PDK3: variants seen among roughly 807,000 people sequenced by gnomAD.
The protein encoded by PDK3 is pyruvate dehydrogenase kinase 3.
Under a neutral mutation model 32.0 loss-of-function variants are expected in PDK3, and 12 were observed. The observed-to-expected ratio is 0.37, with a 90% CI of 0.24 to 0.61. PDK3 has a LOEUF of 0.61. Among genes scored for constraint, PDK3 ranks in the 20% least tolerant of loss-of-function variants. PDK3 has a pLI of 0.65. For missense variants in PDK3, 188 were observed against 316.9 expected (o/e 0.59, Z 3.09); for synonymous variants, 122 against 116.3 (o/e 1.05, Z -0.31).
At chrX:24,531,151 C>T (rs1922640479) in intron 9 of PDK3, among the ~76,000 whole-genome samples, 1 of 109,900 alleles carries the variant, frequency 9.1e-6, no homozygotes, top group African/African-American at 3.3e-5. Context: ...CTGCAACCTC[C>T]ACCTCCTGGG....
At chrX:24,527,701 T>G (rs374466773) in intron 8 of PDK3, 26 bp downstream of exon 8, 1 of 833,581 alleles carries the variant, frequency 1.2e-6, no homozygotes. Context: ...GCATGTATAC[T>G]TTAATTATCA....
chrX:24,469,611 TA>T (rs1920972599), intron 1 of PDK3, among the ~76,000 whole-genome samples: 1 of 108,543 alleles, frequency 9.2e-6, no homozygotes. Flanking sequence ...ATCCTGTCTC[TA>T]AAAAAAATAA....
intron 1 of PDK3, 75 bp downstream of exon 1, chrX:24,465,636 T>C: frequency 1.3e-6 from 1 of 775,682 alleles, no homozygotes. Context: ...TCTCCGCAGC[T>C]TCGGGGTAAA....
At chrX:24,477,480 A>G (rs1921140243) in intron 1 of PDK3, among the ~76,000 whole-genome samples, 1 of 111,937 alleles carries the variant, frequency 8.9e-6, no homozygotes, top group Non-Finnish European at 1.9e-5. Flanking sequence ...AAGAATTGCT[A>G]TATTACCTGT....
At chrX:24,515,045 G>A (rs1569225315) in intron 5 of PDK3, among the ~76,000 whole-genome samples, 1 of 112,161 alleles carries the variant, frequency 8.9e-6, no homozygotes, top group African/African-American at 3.2e-5. Flanking sequence ...ATGGGTCAGA[G>A]GATCGTTCCA....
At chrX:24,514,980 C>T (rs944350848) in intron 5 of PDK3, among the ~76,000 whole-genome samples, 32 of 111,830 alleles carry the variant, frequency 2.9e-4, no homozygotes, top group African/African-American at 1.0e-3. Flanking sequence ...TTCCCAGTCT[C>T]ACCAAAAGGA....
chrX:24,525,615 G>A (rs755318387), intron 6 of PDK3, among the ~76,000 whole-genome samples: 1 of 111,820 alleles, frequency 8.9e-6, no homozygotes, highest in Non-Finnish European at 1.9e-5. Flanking sequence ...GTGTTTCTCA[G>A]ATTGTCTTCA....
chrX:24,482,303 G>T (rs1430532802), intron 1 of PDK3, among the ~76,000 whole-genome samples: 1 of 111,654 alleles, frequency 9.0e-6, no homozygotes, highest in South Asian at 3.8e-4. Context: ...TCCACCTCCA[G>T]GTTCAAGTGA....
At chrX:24,541,997 ATAG>A (rs1244867315) in exon 12 of PDK3, among the ~76,000 whole-genome samples, 5 of 112,419 alleles carry the variant, frequency 4.4e-5, no homozygotes, top group Non-Finnish European at 9.4e-5. Context: ...ATATTCATAA[ATAG>A]TAGGTGAATC....
At chrX:24,501,183 A>G (rs906162646) in intron 3 of PDK3, among the ~76,000 whole-genome samples, 10 of 111,347 alleles carry the variant, frequency 9.0e-5, no homozygotes, top group Non-Finnish European at 1.5e-4. Flanking sequence ...CACTATTACT[A>G]TTTTCCTTTC....
chrX:24,501,731 A>G (rs748787839), intron 3 of PDK3, among the ~76,000 whole-genome samples: 15 of 111,977 alleles, frequency 1.3e-4, no homozygotes. Flanking sequence ...TAAACAAACA[A>G]ACAAACAGCT....
downstream of PDK3, among the ~76,000 whole-genome samples, chrX:24,537,117 CT>C (rs34294652): frequency 0.047 from 3,903 of 82,582 alleles, 71 homozygotes; most frequent in African/African-American, 0.076. Flanking sequence ...CTTTTCTTTT[CT>C]TTTTTTTTTT....
At chrX:24,472,003 T>C (rs1172173146) in intron 1 of PDK3, among the ~76,000 whole-genome samples, 4 of 112,431 alleles carry the variant, frequency 3.6e-5, no homozygotes, top group Non-Finnish European at 7.5e-5. Flanking sequence ...GTCTTTTTCA[T>C]GTGGTAAGTT....
chrX:24,475,879 T>C (rs893190778), intron 1 of PDK3, among the ~76,000 whole-genome samples: 1 of 111,419 alleles, frequency 9.0e-6, no homozygotes, highest in African/African-American at 3.3e-5. Flanking sequence ...GTAGCACTTA[T>C]GTTTTGTGTG....
chrX:24,482,041 G>A (rs1921273569), intron 1 of PDK3, among the ~76,000 whole-genome samples: 1 of 112,028 alleles, frequency 8.9e-6, no homozygotes, highest in Non-Finnish European at 1.9e-5. Context: ...TTACATTTGT[G>A]TGCCACTCTC....
chrX:24,478,414 C>T (rs928178584), intron 1 of PDK3, among the ~76,000 whole-genome samples: 2 of 112,021 alleles, frequency 1.8e-5, no homozygotes, highest in Non-Finnish European at 3.8e-5. Context: ...GAGCCGAGAT[C>T]GTGCCACTGC....
intron 5 of PDK3, among the ~76,000 whole-genome samples, chrX:24,514,226 T>C (rs1922197293): frequency 8.9e-6 from 1 of 112,483 alleles, no homozygotes; most frequent in Admixed American, 9.5e-5. Flanking sequence ...GGCTGATTGC[T>C]GTGTGAACCT....
At chrX:24,501,353 C>T (rs1173661898) in intron 3 of PDK3, among the ~76,000 whole-genome samples, 1 of 112,658 alleles carries the variant, frequency 8.9e-6, no homozygotes, top group African/African-American at 3.2e-5. Flanking sequence ...GATCTTCTAT[C>T]ACTGGATTTT....
chrX:24,467,660 T>C (rs1358276338), intron 1 of PDK3, among the ~76,000 whole-genome samples: 3 of 112,440 alleles, frequency 2.7e-5, no homozygotes, highest in African/African-American at 6.5e-5. Flanking sequence ...TACTTTTCTC[T>C]TAGTTCTGTC....
Sources: allele counts gnomAD v4.1 joint callset (sites outside exome capture counted in the v4.1 genomes callset), GRCh38; gene constraint gnomAD v4.1.1; transcripts MANE v1.5; gene names NCBI Gene and HGNC (gene_info 2026-07-23, HGNC 2026-07-21).